Variants in GTF2IRD1 observed in about 807,000 individuals in gnomAD.
GTF2IRD1 encodes the protein general transcription factor II-I repeat domain-containing protein 1.
In GTF2IRD1, 26 loss-of-function variants were observed where a neutral mutation model predicts 113.2. The ratio of observed to expected loss-of-function variants is 0.23; its 90% confidence interval spans 0.17 to 0.32. The LOEUF (loss-of-function observed/expected upper bound fraction) is 0.32. GTF2IRD1 is among the 10% of genes least tolerant of loss of function. The pLI is 1.00. For missense variants in GTF2IRD1, 864 were observed against 1,280.8 expected (o/e 0.67, Z 4.97); for synonymous variants, 484 against 529.1 (o/e 0.91, Z 1.17).
chr7:74,523,431 G>A (rs190556710), intron 7 of GTF2IRD1, among the ~76,000 whole-genome samples: 9 of 151,874 alleles, frequency 5.9e-5, no homozygotes, highest in Non-Finnish European at 1.3e-4. Context: ...TAAAATACTC[G>A]ACCTCAGGCC....
At position 74,581,807 on chromosome 7, in the gene GTF2IRD1, G is replaced by A. The variant is rs184794067; in HGVS notation, c.2321-8044G>A. Among the ~76,000 whole-genome samples the A allele has an allele frequency of 2.3e-4, 35 of 152,308 alleles. No homozygotes were observed. In the East Asian group the frequency reaches 6.6e-3, roughly 29 times the overall value. On this transcript the variant is annotated intron_variant, in intron 22 of 26. Coordinates refer to ENST00000424337, the MANE Select transcript of GTF2IRD1 (RefSeq NM_005685.4). The stretch of plus-strand genomic sequence containing the variant: ...GGATTGCTTGAGCTTAGGAGTTGAA[G>A]ACCAGCCTGGGCAACATAGTGAGAC...
chr7:74,481,076 G>T (rs1430940228), intron 1 of GTF2IRD1, among the ~76,000 whole-genome samples: 2 of 152,192 alleles, frequency 1.3e-5, no homozygotes, highest in Non-Finnish European at 2.9e-5. Flanking sequence ...CCCCGCCTGG[G>T]GCCAACTTTC....
intron 8 of GTF2IRD1, among the ~76,000 whole-genome samples, chr7:74,529,290 G>T (rs782372019): frequency 2.0e-5 from 3 of 152,120 alleles, no homozygotes; most frequent in Non-Finnish European, 4.4e-5. Context: ...GTCTCACTCT[G>T]TTGCCCAGGC....
At chr7:74,525,234 C>T (rs924760771) in intron 8 of GTF2IRD1, among the ~76,000 whole-genome samples, 5 of 152,258 alleles carry the variant, frequency 3.3e-5, no homozygotes, top group South Asian at 2.1e-4. Flanking sequence ...CTTTGAGACT[C>T]GTCTTGGGAG....
chr7:74,583,371 C>CTTTTTTTT (rs1168890388), intron 22 of GTF2IRD1, among the ~76,000 whole-genome samples: 25 of 122,300 alleles, frequency 2.0e-4, no homozygotes, highest in African/African-American at 2.8e-4. Flanking sequence ...CTTTTTTTTT[C>CTTTTTTTT]TTTTTTTTTT....
At chr7:74,578,663 T>C (rs1801226891) in intron 22 of GTF2IRD1, among the ~76,000 whole-genome samples, 3 of 152,186 alleles carry the variant, frequency 2.0e-5, no homozygotes, top group African/African-American at 2.4e-5. Context: ...TCCTTGGGGA[T>C]TGGGCTGCTT....
intron 1 of GTF2IRD1, among the ~76,000 whole-genome samples, chr7:74,499,135 G>C (rs1322464214): frequency 6.6e-6 from 1 of 151,936 alleles, no homozygotes; most frequent in African/African-American, 2.4e-5. Context: ...AATGAGTAGG[G>C]GTGGTGAGGG....
intron 1 of GTF2IRD1, among the ~76,000 whole-genome samples, chr7:74,457,620 G>C: frequency 6.6e-6 from 1 of 152,136 alleles, no homozygotes; most frequent in Non-Finnish European, 1.5e-5. Context: ...AACCCTGGGG[G>C]CTTTGCTCCC....
intron 5 of GTF2IRD1, among the ~76,000 whole-genome samples, chr7:74,518,701 A>G (rs1389728994): frequency 1.3e-5 from 2 of 152,004 alleles, no homozygotes; most frequent in Non-Finnish European, 2.9e-5. Flanking sequence ...GCAACATACC[A>G]AGACCCTGTC....
intron 9 of GTF2IRD1, among the ~76,000 whole-genome samples, chr7:74,531,433 C>T (rs1583810041): frequency 2.0e-5 from 3 of 152,084 alleles, no homozygotes; most frequent in Admixed American, 2.0e-4. Context: ...TAGTGTTGAT[C>T]GGAGAGTAAA....
chr7:74,588,294 G>T (rs1801847082), intron 22 of GTF2IRD1, among the ~76,000 whole-genome samples: 1 of 151,408 alleles, frequency 6.6e-6, no homozygotes, highest in Admixed American at 6.6e-5. Flanking sequence ...TTTTAGTAGA[G>T]ACGGGGTTTC....
At chr7:74,525,184 C>G (rs1362491928) in intron 8 of GTF2IRD1, among the ~76,000 whole-genome samples, 3 of 152,226 alleles carry the variant, frequency 2.0e-5, no homozygotes, top group Non-Finnish European at 4.4e-5. Flanking sequence ...CTCTGTCTGG[C>G]ACAGTCTTTT....
chr7:74,535,609 C>A (rs587743695), intron 10 of GTF2IRD1, among the ~76,000 whole-genome samples: 113 of 152,306 alleles, frequency 7.4e-4, no homozygotes, highest in African/African-American at 2.7e-3. Flanking sequence ...GCACACCTGT[C>A]CCAGGAGGAA....
intron 22 of GTF2IRD1, among the ~76,000 whole-genome samples, chr7:74,560,555 T>TTA (rs1365632430): frequency 8.8e-5 from 13 of 146,908 alleles, no homozygotes; most frequent in African/African-American, 1.5e-4. Flanking sequence ...ATTAAAAATA[T>TTA]TATATATATA....
intron 1 of GTF2IRD1, among the ~76,000 whole-genome samples, chr7:74,501,261 G>T (rs1796013504): frequency 6.6e-6 from 1 of 152,192 alleles, no homozygotes; most frequent in Non-Finnish European, 1.5e-5. Flanking sequence ...ACGGGGGAAG[G>T]GGCTTGAAGG....
chr7:74,467,039 C>T (rs953485687), intron 1 of GTF2IRD1, among the ~76,000 whole-genome samples: 6 of 151,708 alleles, frequency 4.0e-5, no homozygotes, highest in Non-Finnish European at 7.4e-5. Flanking sequence ...CAACCTCCGC[C>T]TCATGGGTTA....
At chr7:74,534,234 G>A (rs1237118088) in intron 9 of GTF2IRD1, among the ~76,000 whole-genome samples, 1 of 152,178 alleles carries the variant, frequency 6.6e-6, no homozygotes, top group Non-Finnish European at 1.5e-5. Flanking sequence ...GAGGCCCCCA[G>A]GGAGTTGTGA....
intron 19 of GTF2IRD1, among the ~76,000 whole-genome samples, chr7:74,557,109 G>A (rs1411960131): frequency 2.6e-5 from 4 of 152,104 alleles, no homozygotes; most frequent in Non-Finnish European, 5.9e-5. Flanking sequence ...AGCCAGGTGC[G>A]GTGGTGCACG....
At chr7:74,529,672 C>A in intron 8 of GTF2IRD1, 62 bp from the exon 9 acceptor site, 1 of 1,477,594 alleles carries the variant, frequency 6.8e-7, no homozygotes, top group East Asian at 2.3e-5. Flanking sequence ...CCGCAGCTCC[C>A]GGGTCCTGTG....
Sources: gnomAD v4.1 joint callset for allele counts (sites outside exome capture counted in the v4.1 genomes callset) on GRCh38, gnomAD v4.1.1 for gene constraint, MANE v1.5 for transcripts, NCBI Gene and HGNC (gene_info 2026-07-23, HGNC 2026-07-21) for gene names.